Variants in TRIOBP observed in about 807,000 individuals in gnomAD.
TRIOBP encodes the protein TRIO and F-actin-binding protein.
Under a neutral mutation model 238.8 loss-of-function variants are expected in TRIOBP, and 169 were observed. The ratio of observed to expected loss-of-function variants is 0.71; its 90% CI spans 0.62 to 0.80. The LOEUF (loss-of-function observed/expected upper bound fraction) is 0.80, where lower values mean the gene tolerates loss of function less well. TRIOBP is among the 30% of genes least tolerant of loss of function. TRIOBP has a pLI of 0.00. For synonymous variants in TRIOBP, 1,150 were observed against 1,274.4 expected, an observed-to-expected ratio of 0.90 and a Z score of 2.08; for missense variants, 2,838 against 3,122.6, an observed-to-expected ratio of 0.91 and a Z score of 2.17.
At chr22:37,743,845 G>T (rs1018882568) in intron 11 of TRIOBP, among the ~76,000 whole-genome samples, 3 of 107,270 alleles carry the variant, frequency 2.8e-5, no homozygotes, top group African/African-American at 4.0e-5. Context: ...GTGTGTGTGT[G>T]CTGGGTGTGT....
chr22:37,750,608 C>A, intron 11 of TRIOBP: 1 of 470,584 alleles, frequency 2.1e-6, no homozygotes, highest in South Asian at 1.5e-5. Flanking sequence ...GGGTTCTCGG[C>A]CGTGAGCAGA....
intron 17 of TRIOBP, among the ~76,000 whole-genome samples, chr22:37,761,536 A>G (rs1466400501): frequency 6.6e-6 from 1 of 152,122 alleles, no homozygotes; most frequent in Non-Finnish European, 1.5e-5. Context: ...GACATCAGGA[A>G]AGTGATGTTG....
intron 3 of TRIOBP, among the ~76,000 whole-genome samples, chr22:37,701,755 C>T (rs999570365): frequency 6.6e-6 from 1 of 152,194 alleles, no homozygotes; most frequent in Non-Finnish European, 1.5e-5. Flanking sequence ...TCTTTTTCCC[C>T]TTCTATTGAA....
chr22:37,743,844 T>TGC (rs1276232447), intron 11 of TRIOBP, among the ~76,000 whole-genome samples: 9 of 110,290 alleles, frequency 8.2e-5, no homozygotes, highest in African/African-American at 3.5e-4. Flanking sequence ...TGTGTGTGTG[T>TGC]GCTGGGTGTG....
At chr22:37,753,458 T>C (rs1207903734) in intron 12 of TRIOBP, among the ~76,000 whole-genome samples, 2 of 152,150 alleles carry the variant, frequency 1.3e-5, no homozygotes, top group African/African-American at 2.4e-5. Flanking sequence ...TTTGTATTTT[T>C]AGTAGAGACA....
chr22:37,765,548 A>G, intron 17 of TRIOBP, 122 bp from the exon 18 acceptor site: 1 of 1,305,274 alleles, frequency 7.7e-7, no homozygotes, highest in South Asian at 1.3e-5. Context: ...TGCAGACTGG[A>G]GGTGCTGGGA....
Position 37,758,079 on chromosome 22 carries a change from C to G in TRIOBP, c.6154C>G (p.Gln2052Glu). Residue 2052 changes from glutamine to glutamate, a missense_variant, in exon 16 of 24, where the codon CAA (glutamine) becomes GAA (glutamate). By Grantham distance (29) the Gln-to-Glu change is conservative (BLOSUM62 2). Coordinates refer to ENST00000644935, the MANE Select transcript of TRIOBP (RefSeq NM_001039141.3). ...GGTGCCCCTCACTGCCCTGCTCAAC[C>G]AAAGCCGCGGAGAGCGCCGAGGGCC... is the stretch of plus-strand genomic sequence containing the variant. ...KRVPLTALLN[Q>E]SRGERRGPPS... The G allele has an allele frequency of 6.2e-7, 1 of 1,611,502 alleles. No individual in the cohort carries two copies. The highest frequency in any genetic ancestry group is 8.5e-7 in the Non-Finnish European group (1 of 1,179,886).
At chr22:37,711,716 C>G (rs1254045982) in intron 4 of TRIOBP, among the ~76,000 whole-genome samples, 1 of 151,634 alleles carries the variant, frequency 6.6e-6, no homozygotes, top group Non-Finnish European at 1.5e-5. Context: ...TCCTGCAGGA[C>G]TTGTCAGAGC....
chr22:37,746,688 C>T (rs1482533506), intron 11 of TRIOBP, among the ~76,000 whole-genome samples: 1 of 152,266 alleles, frequency 6.6e-6, no homozygotes, highest in African/African-American at 2.4e-5. Flanking sequence ...CTCGGGCGCC[C>T]CCTCCTCACA....
rs370719895 is a variant in TRIOBP, at chr22:37,759,354, C to T, written c.6324+90C>T. 5.3e-4 allele frequency: 732 copies of T among 1,377,842 alleles called. No individual in the cohort carries two copies. The African/African-American group carries it at 9.4e-3, about 18-fold the overall frequency. The allele number at this position is 1,377,842 out of a possible 1,614,324, so 85.4% of individuals were successfully genotyped here. Reference sequence around the variant, plus strand: ...ACAGCTGAGATTTTGGGAGCCCTTCCTGTGTGTGCTGGAACCTGTGTGGGG... The same window carrying T: ...ACAGCTGAGATTTTGGGAGCCCTTCTTGTGTGTGCTGGAACCTGTGTGGGG... On this transcript the variant is annotated intron_variant, in intron 17 of 23. Coordinates refer to ENST00000644935, the MANE Select transcript of TRIOBP (RefSeq NM_001039141.3).
chr22:37,734,218 G>A (rs572527794), intron 8 of TRIOBP, among the ~76,000 whole-genome samples, 181 bp from the exon 9 acceptor site: 3 of 152,276 alleles, frequency 2.0e-5, no homozygotes, highest in East Asian at 1.9e-4. Context: ...TGAGGAAAGC[G>A]GGTGAAAGGG....
intron 11 of TRIOBP, among the ~76,000 whole-genome samples, chr22:37,744,488 T>C (rs1012955021): frequency 6.6e-6 from 1 of 152,168 alleles, no homozygotes; most frequent in Non-Finnish European, 1.5e-5. Flanking sequence ...GCATTGGTGA[T>C]GTGTGGAAGA....
rs200489047 is a variant in TRIOBP, at chr22:37,723,770, C to T, written c.1214C>T (p.Ser405Phe). The T allele has an allele frequency of 1.5e-5, 24 of 1,596,988 alleles. No individual in the cohort carries two copies. Among genetic ancestry groups the T allele is most frequent in the Non-Finnish European group, 1.2e-5 (14 of 1,167,478 alleles). ...ACTCAACGAGAGAATTCCAGAACAT[C>T]CTGTGCCCAGCGGGACAATCCCAAA... is the stretch of plus-strand genomic sequence containing the variant. Reference protein sequence around the residue: ...RTTQRENSRTSCAQRDNPKAS... With the variant: ...RTTQRENSRTFCAQRDNPKAS... The change falls in exon 7 of 24, where the codon TCC becomes TTC. Residue 405 changes from serine to phenylalanine, a missense_variant. Physicochemically the swap from Ser to Phe is radical, Grantham distance 155. Coordinates refer to ENST00000644935, the MANE Select transcript of TRIOBP (RefSeq NM_001039141.3).
intron 10 of TRIOBP, 53 bp downstream of exon 10, chr22:37,738,772 G>T: frequency 6.4e-7 from 1 of 1,572,440 alleles, no homozygotes; most frequent in Non-Finnish European, 8.7e-7. Context: ...GGGGGAAGCA[G>T]GTTGGAGATG....
intron 9 of TRIOBP, among the ~76,000 whole-genome samples, chr22:37,736,435 G>A (rs1477896707): frequency 6.6e-6 from 1 of 152,042 alleles, no homozygotes; most frequent in East Asian, 1.9e-4. Flanking sequence ...GGGCTTCCAG[G>A]CATCAGGGTG....
intron 11 of TRIOBP, 165 bp from the exon 12 acceptor site, chr22:37,751,607 C>T: frequency 2.8e-6 from 2 of 706,114 alleles, no homozygotes; most frequent in East Asian, 2.7e-5. Flanking sequence ...GCTGGGAGGC[C>T]TGCTTGGACT....
At chr22:37,745,624 G>GTCC (rs1430568277) in intron 11 of TRIOBP, among the ~76,000 whole-genome samples, 9 of 152,204 alleles carry the variant, frequency 5.9e-5, no homozygotes, top group Admixed American at 5.2e-4. Context: ...CTCACTTTGT[G>GTCC]TCCAGCTTAC....
At position 37,725,949 on chromosome 22, in the gene TRIOBP, G is replaced by C; in HGVS notation, c.3393G>C (p.Glu1131Asp). The C allele has an allele frequency of 6.2e-7, 1 of 1,608,716 alleles. No individual in the cohort carries two copies. Among genetic ancestry groups the C allele is most frequent in the Non-Finnish European group, 8.5e-7 (1 of 1,178,640 alleles). ...CCTCCCCACCACGCCAGGCCCCAGAGCCTTCCCTCTTATTCCAGGACCTCC... is the reference window on the plus strand; with the variant it reads ...CCTCCCCACCACGCCAGGCCCCAGACCCTTCCCTCTTATTCCAGGACCTCC... ...RASSPPRQAP[E>D]PSLLFQDLPR... is the part of the protein sequence containing the mutation. The change falls in exon 7 of 24, where the codon GAG becomes GAC. Residue 1131 changes from glutamate (E) to aspartate (D), a missense_variant. By Grantham distance (45) the Glu-to-Asp change is conservative (BLOSUM62 2). Around this residue, in one of 5 missense-constraint regions of TRIOBP, gnomAD observed 2,096 missense variants for 2,137.4 expected, o/e 0.98. Transcript: ENST00000644935.
intron 17 of TRIOBP, among the ~76,000 whole-genome samples, chr22:37,763,932 C>T (rs1420437616): frequency 1.3e-5 from 2 of 152,214 alleles, no homozygotes; most frequent in East Asian, 1.9e-4. Context: ...TTCTGGTGGC[C>T]GTCCGCGTCC....
Sources: gnomAD v4.1 joint callset for allele counts (sites outside exome capture counted in the v4.1 genomes callset) on GRCh38, gnomAD v4.1.1 for gene constraint, gnomAD v4.1.1 regional missense constraint, MANE v1.5 for transcripts, NCBI Gene and HGNC (gene_info 2026-07-23, HGNC 2026-07-21) for gene names.